The following RGPD2 variants were observed in gnomAD, a reference collection of about 807,000 sequenced individuals.
The protein encoded by RGPD2 is RANBP2 like and GRIP domain containing 2, also known as RANBP2-like and GRIP domain-containing protein 2.
Under a neutral mutation model 36.0 loss-of-function variants are expected in RGPD2, and 2 were observed. The ratio of observed to expected loss-of-function variants is 0.06; its 90% CI spans 0.02 to 0.17. RGPD2 has a LOEUF of 0.17. Among genes scored for constraint, RGPD2 ranks in the 10% least tolerant of loss-of-function variants. RGPD2 has a pLI of 1.00. For missense variants in RGPD2, 40 were observed against 464.3 expected, an observed-to-expected ratio of 0.09 and a Z score of 8.40; for synonymous variants, 19 against 163.8, an observed-to-expected ratio of 0.12 and a Z score of 6.75.
intron 1 of RGPD2, among the ~76,000 whole-genome samples, chr2:87,824,785 CGAG>C (rs1377813287): frequency 0.11 from 3,019 of 28,724 alleles, 163 homozygotes; most frequent in African/African-American, 0.26. Flanking sequence ...AGGCCGAGGC[CGAG>C]GCCGAGGCCG....
At chr2:87,852,904 T>C in the RGPD2 span, among the ~76,000 whole-genome samples, 3 of 152,354 alleles carry the variant, frequency 2.0e-5, no homozygotes, top group South Asian at 2.1e-4. Context: ...ACAAATTTTT[T>C]ACATTTATTG....
the RGPD2 span, among the ~76,000 whole-genome samples, chr2:87,890,150 C>CTTTTTT: frequency 3.0e-5 from 2 of 67,234 alleles, no homozygotes. Flanking sequence ...TCCTTATGCC[C>CTTTTTT]ATTATATTAC....
the RGPD2 span, among the ~76,000 whole-genome samples, chr2:87,870,726 C>A: frequency 1.7e-3 from 263 of 151,976 alleles, 1 homozygote; most frequent in East Asian, 0.019. Context: ...TGCCCATATG[C>A]CTCACAAACA....
chr2:87,967,805 T>G, the RGPD2 span, among the ~76,000 whole-genome samples: 1 of 151,010 alleles, frequency 6.6e-6, no homozygotes, highest in Non-Finnish European at 1.5e-5. Context: ...CAGTGCAGAC[T>G]GGGGAACTAG....
the RGPD2 span, among the ~76,000 whole-genome samples, chr2:87,863,714 A>G: frequency 0.018 from 2,706 of 148,760 alleles, 19 homozygotes; most frequent in African/African-American, 0.022. Context: ...GTGTGTGTGT[A>G]TATATATATA....
chr2:87,863,668 GA>G, the RGPD2 span, among the ~76,000 whole-genome samples: 1 of 151,894 alleles, frequency 6.6e-6, no homozygotes, highest in Admixed American at 6.6e-5. Flanking sequence ...ATTTTGTTAT[GA>G]ATACAGTTGT....
chr2:87,863,843 T>C, the RGPD2 span, among the ~76,000 whole-genome samples: 1 of 152,202 alleles, frequency 6.6e-6, no homozygotes, highest in Admixed American at 6.6e-5. Flanking sequence ...TACATCATAG[T>C]ATTTAAGTTA....
the RGPD2 span, among the ~76,000 whole-genome samples, chr2:87,948,090 G>A: frequency 1.3e-5 from 2 of 152,208 alleles, no homozygotes; most frequent in Non-Finnish European, 2.9e-5. Flanking sequence ...ACATTAGGTT[G>A]GTGCAAAAGT....
chr2:87,769,263 G>A (rs1458795442), intron 22 of RGPD2, among the ~76,000 whole-genome samples: 2 of 150,552 alleles, frequency 1.3e-5, no homozygotes, highest in African/African-American at 4.9e-5. Flanking sequence ...CACCGTGCCA[G>A]GCCTTACATT....
chr2:87,921,081 A>G, the RGPD2 span, among the ~76,000 whole-genome samples: 10 of 150,506 alleles, frequency 6.6e-5, no homozygotes, highest in Non-Finnish European at 1.5e-4. Flanking sequence ...ATGTGCCTAG[A>G]CAAAAGAGTT....
the RGPD2 span, among the ~76,000 whole-genome samples, chr2:87,917,909 C>T: frequency 8.2e-6 from 1 of 122,454 alleles, no homozygotes; most frequent in Non-Finnish European, 1.7e-5. Context: ...CCTTTAGAAG[C>T]TTCAAAGCAC....
At chr2:87,924,415 G>A in the RGPD2 span, among the ~76,000 whole-genome samples, 2 of 148,898 alleles carry the variant, frequency 1.3e-5, no homozygotes, top group Admixed American at 6.7e-5. Flanking sequence ...GCAGAATAGC[G>A]TTCGAGCAGT....
the RGPD2 span, among the ~76,000 whole-genome samples, chr2:87,957,709 T>A: frequency 6.6e-6 from 1 of 152,274 alleles, no homozygotes; most frequent in Non-Finnish European, 1.5e-5. Flanking sequence ...ACAACCATTG[T>A]CTATAGCACC....
At chr2:87,921,983 T>A in the RGPD2 span, among the ~76,000 whole-genome samples, 1 of 150,208 alleles carries the variant, frequency 6.7e-6, no homozygotes, top group Non-Finnish European at 1.5e-5. Context: ...TCAGCTGGCT[T>A]CCCCAATTTT....
the RGPD2 span, among the ~76,000 whole-genome samples, chr2:87,977,510 G>C: frequency 6.6e-6 from 1 of 151,216 alleles, no homozygotes; most frequent in Non-Finnish European, 1.5e-5. Flanking sequence ...TGTGCAAAAT[G>C]GTCACTATAT....
chr2:87,884,080 G>T, the RGPD2 span, among the ~76,000 whole-genome samples: 2 of 152,132 alleles, frequency 1.3e-5, no homozygotes, highest in Admixed American at 6.5e-5. Context: ...GAAATAAAAA[G>T]AAATCATATC....
the RGPD2 span, among the ~76,000 whole-genome samples, chr2:87,832,397 A>G: frequency 6.6e-6 from 1 of 152,238 alleles, no homozygotes; most frequent in East Asian, 1.9e-4. Flanking sequence ...TAAAAAGGAC[A>G]AATATTAACT....
chr2:87,987,798 A>C, the RGPD2 span, among the ~76,000 whole-genome samples: 1 of 54,872 alleles, frequency 1.8e-5, no homozygotes, highest in African/African-American at 6.8e-5. Flanking sequence ...CCAATGCTGC[A>C]TGAGTGTGTG....
the RGPD2 span, among the ~76,000 whole-genome samples, chr2:87,932,754 CT>C: frequency 3.3e-5 from 5 of 151,960 alleles, no homozygotes; most frequent in Non-Finnish European, 7.4e-5. Context: ...GAGATTCTTT[CT>C]TTAAGAGCAT....
Sources: allele counts gnomAD v4.1 joint callset (sites outside exome capture counted in the v4.1 genomes callset), GRCh38; gene constraint gnomAD v4.1.1; transcripts MANE v1.5; gene names NCBI Gene and HGNC (gene_info 2026-07-23, HGNC 2026-07-21).